VPS13C: variants seen among roughly 807,000 people sequenced by gnomAD.
VPS13C encodes intermembrane lipid transfer protein VPS13C.
VPS13C carries 358 observed loss-of-function variants against 456.8 expected under a neutral mutation model. That is an observed-to-expected ratio of 0.78 (90% CI 0.72 to 0.86). The LOEUF is 0.86. Among genes scored for constraint, VPS13C ranks in the 40% least tolerant of loss-of-function variants. The pLI is 0.00. For missense variants in VPS13C, 4,818 were observed against 4,385.4 expected, an observed-to-expected ratio of 1.10 and a Z score of -2.79; for synonymous variants, 1,578 against 1,486.7, an observed-to-expected ratio of 1.06 and a Z score of -1.41.
intron 65 of VPS13C, among the ~76,000 whole-genome samples, chr15:61,907,770 G>A (rs764731759): frequency 6.6e-6 from 1 of 152,086 alleles, no homozygotes; most frequent in Admixed American, 6.6e-5. Flanking sequence ...TTTAAAGACA[G>A]GGTCTCCCTG....
chr15:61,871,868 G>A (rs1457172856), intron 79 of VPS13C, 121 bp downstream of exon 79: 9 of 825,814 alleles, frequency 1.1e-5, no homozygotes, highest in South Asian at 5.6e-5. Context: ...TTAAGGCTAC[G>A]AATATAAAAT....
At chr15:61,901,391 A>G (rs988381766) in intron 66 of VPS13C, among the ~76,000 whole-genome samples, 3 of 152,100 alleles carry the variant, frequency 2.0e-5, no homozygotes, top group Non-Finnish European at 2.9e-5. Flanking sequence ...CAGAATCTAC[A>G]ATGAACTCAA....
intron 38 of VPS13C, among the ~76,000 whole-genome samples, chr15:61,953,501 G>C (rs2044876633): frequency 6.7e-6 from 1 of 149,116 alleles, no homozygotes; most frequent in Non-Finnish European, 1.5e-5. Context: ...TTGGTTTTTT[G>C]TTCTTGCGAC....
chr15:61,865,072 C>CT (rs776865633), intron 81 of VPS13C: 22 of 984,736 alleles, frequency 2.2e-5, no homozygotes, highest in Non-Finnish European at 2.5e-5. Flanking sequence ...CCACTACACT[C>CT]TGAGATTCAG....
chr15:61,941,374 T>TG (rs1279982660), intron 46 of VPS13C, among the ~76,000 whole-genome samples: 1 of 152,122 alleles, frequency 6.6e-6, no homozygotes, highest in African/African-American at 2.4e-5. Context: ...AATTCCCAAA[T>TG]GTGACAAGGT....
At chr15:61,870,338 G>C (rs1198280782) in intron 79 of VPS13C, among the ~76,000 whole-genome samples, 2 of 151,918 alleles carry the variant, frequency 1.3e-5, no homozygotes, top group Non-Finnish European at 2.9e-5. Context: ...TATCCCTATG[G>C]ATTTGCCTAT....
intron 66 of VPS13C, among the ~76,000 whole-genome samples, chr15:61,896,910 G>C (rs1438728244): frequency 3.3e-5 from 5 of 150,446 alleles, no homozygotes; most frequent in Admixed American, 6.7e-5. Flanking sequence ...GATCTGAGAA[G>C]GGGCAGACTG....
chr15:61,971,831 C>T (rs1314621398), intron 27 of VPS13C, among the ~76,000 whole-genome samples: 1 of 152,126 alleles, frequency 6.6e-6, no homozygotes, highest in African/African-American at 2.4e-5. Flanking sequence ...TAAACAAATA[C>T]CAATAGTACT....
intron 9 of VPS13C, 56 bp from the exon 10 acceptor site, chr15:62,014,048 T>C: frequency 7.7e-7 from 1 of 1,293,756 alleles, no homozygotes; most frequent in South Asian, 1.3e-5. Context: ...TTAATAGCGC[T>C]CTAATACTTA....
At chr15:62,032,107 T>C (rs1431020053) in intron 5 of VPS13C, among the ~76,000 whole-genome samples, 1 of 151,862 alleles carries the variant, frequency 6.6e-6, no homozygotes, top group Non-Finnish European at 1.5e-5. Context: ...TAAGTATACA[T>C]CAATATACCT....
chr15:61,884,081 C>G (rs540130711), intron 68 of VPS13C, 47 bp downstream of exon 68: 1 of 1,527,330 alleles, frequency 6.5e-7, no homozygotes, highest in Non-Finnish European at 8.7e-7. Flanking sequence ...CTACCACCAC[C>G]AAGAAAATAC....
chr15:61,924,146 G>C (rs1003527418), intron 53 of VPS13C, among the ~76,000 whole-genome samples: 21 of 151,746 alleles, frequency 1.4e-4, no homozygotes, highest in African/African-American at 4.8e-4. Context: ...GATTACAGGC[G>C]TGAGGCCACC....
In VPS13C at chr15:61,907,046, T is replaced by A. The variant is rs182922022; in HGVS notation, c.9105+218A>T. ...CTTTACATAGGCAAGATAAAGCAGG[T>A]CTATTTTTTAAATTGTAAATAAATT... On this transcript the variant is annotated intron_variant, in intron 66 of 84. Coordinates refer to ENST00000644861, the MANE Select transcript of VPS13C (RefSeq NM_020821.3). 403 of 505,910 alleles carry A rather than the reference T, an allele frequency of 8.0e-4. 6 individuals are homozygous for A. The East Asian group carries it at 0.015, about 19-fold the overall frequency. 31.3% of individuals were successfully genotyped at this position (505,910 alleles called of 1,614,324 possible). A position where few individuals can be genotyped will look rare whatever the true frequency, so the allele number is the denominator to read the frequency against.
At chr15:62,008,087 C>T (rs532660418) in intron 14 of VPS13C, among the ~76,000 whole-genome samples, 1 of 152,170 alleles carries the variant, frequency 6.6e-6, no homozygotes, top group Admixed American at 6.5e-5. Flanking sequence ...CAAAAATTAG[C>T]CAGGCGTGGT....
chr15:61,963,312 G>A (rs887420696), intron 32 of VPS13C, among the ~76,000 whole-genome samples: 1 of 151,966 alleles, frequency 6.6e-6, no homozygotes, highest in African/African-American at 2.4e-5. Context: ...GTCACAACAA[G>A]CTAGTAAAAG....
chr15:61,951,967 A>T lies in VPS13C; in HGVS notation c.4313T>A (p.Leu1438Ter). The change falls in exon 39 of 85, where the codon TTG (leucine) becomes TAG (stop). Residue 1438 changes from leucine (L) to a stop codon, truncating the protein, a stop_gained. Transcript: ENST00000644861. LOFTEE classifies it high-confidence loss of function. Reference protein sequence around the residue: ...NFEIKEVVVTLMKKSEKKGRP... With the variant: ...NFEIKEVVVT Reference sequence around the variant, plus strand: ...TCCTTTCTTTTCTGATTTTTTCATCAAAGTAACCACAACCTAAAAAACGGT... The same window carrying T: ...TCCTTTCTTTTCTGATTTTTTCATCTAAGTAACCACAACCTAAAAAACGGT... The T allele has an allele frequency of 6.2e-7, 1 of 1,612,774 alleles. No homozygotes were observed.
chr15:61,905,029 T>C (rs2043114516), intron 66 of VPS13C, among the ~76,000 whole-genome samples: 1 of 152,062 alleles, frequency 6.6e-6, no homozygotes, highest in Non-Finnish European at 1.5e-5. Context: ...TACAAAAATA[T>C]AGTCAGAAGG....
At position 61,869,580 on chromosome 15, in the gene VPS13C, T is replaced by C; in HGVS notation, c.10668A>G (p.Gly3556=). The change falls in exon 80 of 85, where the codon GGA becomes GGG. Residue 3556 remains glycine, a synonymous_variant. Coordinates refer to ENST00000644861, the MANE Select transcript of VPS13C (RefSeq NM_020821.3). ...GGGCCACAGCACCCACAAGCCCTTT[T>C]CCAATTCCTTTAAAGAATCCAGCAG... ...EGAAGFFKGI[G]KGLVGAVARP... The C allele has an allele frequency of 6.2e-7, 1 of 1,614,140 alleles. No individual in the cohort carries two copies. Among genetic ancestry groups the C allele is most frequent in the Non-Finnish European group, 8.5e-7 (1 of 1,180,004 alleles).
intron 3 of VPS13C, among the ~76,000 whole-genome samples, chr15:62,037,530 T>A (rs114832448): frequency 9.9e-4 from 54 of 54,282 alleles, no homozygotes; most frequent in African/African-American, 2.5e-3. Context: ...TAATAAATAA[T>A]GCAAAATTTC....
Sources: gnomAD v4.1 joint callset for allele counts (sites outside exome capture counted in the v4.1 genomes callset) on GRCh38, gnomAD v4.1.1 for gene constraint, MANE v1.5 for transcripts, NCBI Gene and HGNC (gene_info 2026-07-23, HGNC 2026-07-21) for gene names.